GRID1: variants seen among roughly 807,000 people sequenced by gnomAD.
GRID1 encodes glutamate ionotropic receptor delta type subunit 1, also known as glutamate receptor ionotropic, delta-1.
In GRID1, 28 loss-of-function variants were observed where a neutral mutation model predicts 98.0. The ratio of observed to expected loss-of-function variants is 0.29; its 90% CI spans 0.21 to 0.39. The LOEUF (loss-of-function observed/expected upper bound fraction) is 0.39. Among genes scored for constraint, GRID1 ranks in the 10% least tolerant of loss-of-function variants. The probability of loss-of-function intolerance (pLI) is 1.00; values close to 1 mark genes in which losing one functional copy is unlikely to be tolerated. For synonymous variants in GRID1, 553 were observed against 538.5 expected (o/e 1.03, Z -0.37); for missense variants, 1,111 against 1,340.5 (o/e 0.83, Z 2.67).
At chr10:85,688,985 C>T (rs1281731813) in intron 12 of GRID1, among the ~76,000 whole-genome samples, 1 of 152,150 alleles carries the variant, frequency 6.6e-6, no homozygotes, top group Non-Finnish European at 1.5e-5. Context: ...GGCAGCTTGT[C>T]AGGTTTCATT....
chr10:85,871,527 G>C (rs2131795575), intron 5 of GRID1, among the ~76,000 whole-genome samples: 1 of 152,312 alleles, frequency 6.6e-6, no homozygotes, highest in East Asian at 1.9e-4. Context: ...TAAATTACAA[G>C]ACAAAATTTT....
chr10:86,022,929 A>AG (rs1175851632), intron 4 of GRID1, among the ~76,000 whole-genome samples: 1 of 151,850 alleles, frequency 6.6e-6, no homozygotes, highest in African/African-American at 2.4e-5. Context: ...AAAAAAAAAA[A>AG]AAAGATTAAA....
chr10:85,908,896 C>T (rs1473679857), intron 5 of GRID1, among the ~76,000 whole-genome samples: 3 of 151,988 alleles, frequency 2.0e-5, no homozygotes, highest in Admixed American at 6.6e-5. Context: ...AGATACTACA[C>T]GAAAAACATA....
intron 2 of GRID1, among the ~76,000 whole-genome samples, chr10:86,346,576 G>T (rs968044087): frequency 2.0e-5 from 3 of 152,220 alleles, no homozygotes; most frequent in Admixed American, 1.3e-4. Context: ...ACAGTGCTAG[G>T]ACTTCTATTC....
At chr10:85,656,214 C>A (rs774947457) in intron 12 of GRID1, among the ~76,000 whole-genome samples, 26 of 152,180 alleles carry the variant, frequency 1.7e-4, no homozygotes, top group Non-Finnish European at 3.2e-4. Context: ...TCCCTCCAAC[C>A]AGTAGCATTT....
Position 85,869,077 on chromosome 10 carries a change from G to A in GRID1, c.884C>T (p.Thr295Met), listed in dbSNP as rs143353694. ...GGAGGAGATGCGGTGGTTGTTCCTC[G>A]TGCATTTCTGATTGTCCTTTGCAGA... ...FPSAKDNQKC[T>M]RNNHRISSLL... is the part of the protein sequence containing the mutation. Residue 295 changes from threonine (T) to methionine (M), a missense_variant, in exon 6 of 16, where the codon ACG becomes ATG. Transcript: ENST00000327946. 2.1e-4 allele frequency: 331 copies of A among 1,613,822 alleles called. No homozygotes were observed. The highest frequency in any genetic ancestry group is 2.5e-4 in the Non-Finnish European group (294 of 1,179,884).
chr10:86,196,806 C>G (rs1385253533), intron 3 of GRID1, among the ~76,000 whole-genome samples: 7 of 152,114 alleles, frequency 4.6e-5, no homozygotes, highest in African/African-American at 1.7e-4. Flanking sequence ...CAGTGCTCTA[C>G]TGAAAGTGGA....
chr10:85,612,746 A>T (rs1458137143), intron 15 of GRID1, among the ~76,000 whole-genome samples: 2 of 151,934 alleles, frequency 1.3e-5, no homozygotes, highest in African/African-American at 2.4e-5. Context: ...AAAAAAAAAA[A>T]ATTTAAAAAA....
At chr10:85,724,185 G>T (rs759703459) in intron 11 of GRID1, among the ~76,000 whole-genome samples, 167 bp downstream of exon 11, 15 of 152,130 alleles carry the variant, frequency 9.9e-5, no homozygotes, top group Non-Finnish European at 2.1e-4. Flanking sequence ...ATTTCTCTCT[G>T]ATATTATTCA....
intron 12 of GRID1, among the ~76,000 whole-genome samples, chr10:85,720,102 C>T (rs1841683560): frequency 1.3e-5 from 2 of 152,164 alleles, no homozygotes; most frequent in East Asian, 3.9e-4. Context: ...TGGTTACTTG[C>T]TTTATCAATG....
At chr10:85,840,799 A>G (rs11817714) in intron 8 of GRID1, among the ~76,000 whole-genome samples, 22,464 of 152,162 alleles carry the variant, frequency 0.15, 1,926 homozygotes, top group African/African-American at 0.21. Context: ...AAAGATCTCT[A>G]CAAAGAGAAC....
chr10:85,934,380 A>T (rs1218188604), intron 4 of GRID1, among the ~76,000 whole-genome samples: 1 of 151,524 alleles, frequency 6.6e-6, no homozygotes, highest in Non-Finnish European at 1.5e-5. Flanking sequence ...GCCCCAAAAT[A>T]TGGAATGGAA....
chr10:85,703,222 T>C (rs1427303470), intron 12 of GRID1, among the ~76,000 whole-genome samples: 1 of 152,152 alleles, frequency 6.6e-6, no homozygotes, highest in Non-Finnish European at 1.5e-5. Context: ...TTCTCAGATA[T>C]GCTGTCTCAG....
chr10:86,153,724 C>T (rs968637273), intron 3 of GRID1, among the ~76,000 whole-genome samples: 1 of 152,092 alleles, frequency 6.6e-6, no homozygotes, highest in Non-Finnish European at 1.5e-5. Context: ...CCCACAGAGC[C>T]CCGCCACCAA....
intron 8 of GRID1, among the ~76,000 whole-genome samples, chr10:85,768,366 T>C (rs1384687992): frequency 6.6e-6 from 1 of 150,760 alleles, no homozygotes; most frequent in Middle Eastern, 3.5e-3. Context: ...GTAGAGAGCA[T>C]AAAAGAAGAA....
chr10:86,159,029 G>A (rs556078104), intron 3 of GRID1, among the ~76,000 whole-genome samples: 135 of 152,230 alleles, frequency 8.9e-4, no homozygotes, highest in African/African-American at 3.1e-3. Flanking sequence ...GAGTAGCTGG[G>A]ACCACAGGCG....
At chr10:86,263,567 G>T (rs925120078) in intron 2 of GRID1, among the ~76,000 whole-genome samples, 1 of 152,212 alleles carries the variant, frequency 6.6e-6, no homozygotes, top group African/African-American at 2.4e-5. Flanking sequence ...CCCCGTCCTA[G>T]ACCCCACTGC....
chr10:85,743,274 G>A (rs1841965343), intron 8 of GRID1, among the ~76,000 whole-genome samples: 1 of 152,100 alleles, frequency 6.6e-6, no homozygotes. Flanking sequence ...CTAGACATGT[G>A]AGTGAATCCA....
intron 4 of GRID1, among the ~76,000 whole-genome samples, chr10:86,054,815 C>T (rs1280398417): frequency 1.3e-5 from 2 of 152,192 alleles, no homozygotes; most frequent in Non-Finnish European, 2.9e-5. Context: ...TGCTCTTGGC[C>T]ATGTGACTTT....
Sources: allele counts gnomAD v4.1 joint callset (sites outside exome capture counted in the v4.1 genomes callset), GRCh38; gene constraint gnomAD v4.1.1; transcripts MANE v1.5; gene names NCBI Gene and HGNC (gene_info 2026-07-23, HGNC 2026-07-21).